Variants in SLC44A1 observed in about 807,000 individuals in gnomAD.
SLC44A1 encodes the protein solute carrier family 44 member 1.
Under a neutral mutation model 79.3 loss-of-function variants are expected in SLC44A1, and 26 were observed. The ratio of observed to expected loss-of-function variants is 0.33; its 90% CI spans 0.24 to 0.46. The LOEUF is 0.46. Ranked by LOEUF, SLC44A1 falls within the 20% of genes least tolerant of loss-of-function variation. SLC44A1 has a pLI of 1.00. For synonymous variants in SLC44A1, 263 were observed against 286.2 expected (o/e 0.92, Z 0.82); for missense variants, 688 against 798.1 (o/e 0.86, Z 1.66).
At chr9:105,432,971 G>C (rs1197351157) in intron 15 of SLC44A1, among the ~76,000 whole-genome samples, 1 of 152,126 alleles carries the variant, frequency 6.6e-6, no homozygotes, top group South Asian at 2.1e-4. Context: ...TACATATTTG[G>C]TAAAGGACTC....
rs147203232 is a variant in SLC44A1 at position 105,438,130 on chromosome 9, C to CTGTGTGTGTGTGTGTG, written c.1951-143_1951-128dup. 1.1e-3 allele frequency: 537 copies of CTGTGTGTGTGTGTGTG among 496,172 alleles called. 5 individuals are homozygous for CTGTGTGTGTGTGTGTG. Among genetic ancestry groups the CTGTGTGTGTGTGTGTG allele is most frequent in the African/African-American group, 9.6e-3 (482 of 50,338 alleles). 30.7% of individuals were successfully genotyped at this position (496,172 alleles called of 1,614,324 possible). On this transcript the variant is annotated intron_variant, in intron 15 of 15. Coordinates refer to the SLC44A1 transcript ENST00000374724. ...CAGATATCTTTTTAAATTTGTTAAT[C>CTGTGTGTGTGTGTGTG]TGTGTGTGTGTGTGTGTGTGTGTAG...
At chr9:105,336,146 G>A (rs1407257229) in intron 4 of SLC44A1, among the ~76,000 whole-genome samples, 1 of 151,762 alleles carries the variant, frequency 6.6e-6, no homozygotes, top group Non-Finnish European at 1.5e-5. Flanking sequence ...GTGTGTGTGT[G>A]TGTGTGTGTG....
At chr9:105,384,394 C>T (rs759924720) in intron 14 of SLC44A1, among the ~76,000 whole-genome samples, 11 of 151,904 alleles carry the variant, frequency 7.2e-5, no homozygotes, top group Non-Finnish European at 8.8e-5. Context: ...TTGGCCAGGC[C>T]GGTCTTGAAC....
In SLC44A1 at chr9:105,392,439, G is replaced by A; in HGVS notation, c.*3383G>A. 1 of 872,572 alleles carries A rather than the reference G, an allele frequency of 1.1e-6. No individual in the cohort carries two copies. The highest frequency in any genetic ancestry group is 1.3e-6 in the Non-Finnish European group (1 of 747,460). 54.1% of individuals were successfully genotyped at this position (872,572 alleles called of 1,614,324 possible). On this transcript the variant is annotated 3_prime_UTR_variant, in exon 16 of 16. Coordinates refer to ENST00000374720, the MANE Select transcript of SLC44A1 (RefSeq NM_080546.5). ...TTTTTTTTTTTTTTTTTCCGTGAGG[G>A]CATTAGGCTGCTGATTGTAAGTTAT... is the stretch of plus-strand genomic sequence containing the variant.
chr9:105,290,751 C>G (rs1473415640), intron 1 of SLC44A1, among the ~76,000 whole-genome samples: 1 of 152,178 alleles, frequency 6.6e-6, no homozygotes, highest in Non-Finnish European at 1.5e-5. Flanking sequence ...ATATAAATAC[C>G]TAACTTACAA....
At chr9:105,418,027 G>A (rs1418059967) in intron 15 of SLC44A1, among the ~76,000 whole-genome samples, 2 of 151,708 alleles carry the variant, frequency 1.3e-5, no homozygotes, top group African/African-American at 4.8e-5. Context: ...TAAAAATAAT[G>A]ATAATAGGCT....
In SLC44A1 at chr9:105,312,157, C is replaced by G. The variant is rs534665911; in HGVS notation, c.269+2291C>G. Among the ~76,000 whole-genome samples, 3 of 152,222 alleles carry G rather than the reference C, an allele frequency of 2.0e-5. No homozygotes were observed. In the South Asian group the frequency reaches 6.2e-4, roughly 32 times the overall value. On this transcript the variant is annotated intron_variant, in intron 3 of 15. Transcript: ENST00000374720. ...TGTTGAAAAAGTCAACAAATCAGTC[C>G]TCTAAAATCTCAACTATAGCTCTTT...
At chr9:105,407,185 G>A (rs1358532278) in intron 15 of SLC44A1, among the ~76,000 whole-genome samples, 1 of 152,074 alleles carries the variant, frequency 6.6e-6, no homozygotes, top group Admixed American at 6.6e-5. Flanking sequence ...AGAAAGAGAA[G>A]AGAGAAAGAA....
chr9:105,434,327 C>T (rs890274604), intron 15 of SLC44A1, among the ~76,000 whole-genome samples: 5 of 150,822 alleles, frequency 3.3e-5, no homozygotes, highest in South Asian at 4.2e-4. Flanking sequence ...GGTGACAGAG[C>T]GAGACTCCAT....
intron 15 of SLC44A1, among the ~76,000 whole-genome samples, chr9:105,407,837 T>C (rs552851190): frequency 6.6e-6 from 1 of 150,606 alleles, no homozygotes; most frequent in South Asian, 2.1e-4. Context: ...GCCACTGCAC[T>C]CCAGCCTGGA....
At chr9:105,362,197 A>G (rs1487925316) in intron 8 of SLC44A1, among the ~76,000 whole-genome samples, 1 of 151,528 alleles carries the variant, frequency 6.6e-6, no homozygotes, top group Admixed American at 6.5e-5. Context: ...CTGAAAAAAG[A>G]AAAAAAATCA....
intron 1 of SLC44A1, among the ~76,000 whole-genome samples, chr9:105,247,517 G>A (rs554027891): frequency 2.0e-5 from 3 of 152,064 alleles, no homozygotes; most frequent in Admixed American, 1.3e-4. Flanking sequence ...GGCTGGTCTC[G>A]AACTCCTGAC....
chr9:105,258,751 A>G (rs775839531), intron 1 of SLC44A1, among the ~76,000 whole-genome samples: 2 of 152,182 alleles, frequency 1.3e-5, no homozygotes, highest in South Asian at 2.1e-4. Context: ...GCAGCGGCGC[A>G]GTCTTGGCTC....
chr9:105,289,573 G>C (rs1830556157), intron 1 of SLC44A1, among the ~76,000 whole-genome samples: 1 of 152,170 alleles, frequency 6.6e-6, no homozygotes, highest in Admixed American at 6.5e-5. Context: ...GGGTTCCTCT[G>C]GTAGGGATTT....
intron 1 of SLC44A1, among the ~76,000 whole-genome samples, chr9:105,246,150 G>C (rs1178999740): frequency 6.6e-6 from 1 of 152,138 alleles, no homozygotes; most frequent in Non-Finnish European, 1.5e-5. Flanking sequence ...GAAGAAAAAC[G>C]CTAGTTTGGG....
chr9:105,335,793 C>A, intron 4 of SLC44A1, 94 bp downstream of exon 4: 1 of 1,146,804 alleles, frequency 8.7e-7, no homozygotes, highest in Non-Finnish European at 1.2e-6. Context: ...TATCAAGGAA[C>A]CTTAGATAAT....
At position 105,396,773 on chromosome 9, in the gene SLC44A1, T is replaced by C; in HGVS notation, c.*7717T>C. The C allele has an allele frequency of 1.0e-6, 1 of 985,378 alleles. No individual in the cohort carries two copies. Among genetic ancestry groups the C allele is most frequent in the Non-Finnish European group, 1.2e-6 (1 of 829,890 alleles). 61.0% of individuals were successfully genotyped at this position (985,378 alleles called of 1,614,324 possible). On this transcript the variant is annotated 3_prime_UTR_variant, in exon 16 of 16. Coordinates refer to ENST00000374720, the MANE Select transcript of SLC44A1 (RefSeq NM_080546.5). Reference sequence around the variant, plus strand: ...TATTTCATAGTGCCAAAATGAATTTTTGTATCTTGTCTTGTCTTTGTCCAT... The same window carrying C: ...TATTTCATAGTGCCAAAATGAATTTCTGTATCTTGTCTTGTCTTTGTCCAT...
chr9:105,292,997 TA>T (rs984410591), intron 1 of SLC44A1, among the ~76,000 whole-genome samples: 23 of 150,866 alleles, frequency 1.5e-4, no homozygotes, highest in Non-Finnish European at 2.1e-4. Flanking sequence ...CCAATCCATT[TA>T]AAAAAAAAAT....
intron 3 of SLC44A1, among the ~76,000 whole-genome samples, chr9:105,313,198 A>C (rs1202175744): frequency 6.6e-6 from 1 of 152,338 alleles, no homozygotes; most frequent in East Asian, 1.9e-4. Flanking sequence ...CCTTATCCAT[A>C]GTGAGCTTTC....
Sources: gnomAD v4.1 joint callset for allele counts (sites outside exome capture counted in the v4.1 genomes callset) on GRCh38, gnomAD v4.1.1 for gene constraint, MANE v1.5 for transcripts, NCBI Gene and HGNC (gene_info 2026-07-23, HGNC 2026-07-21) for gene names.